The following ZBTB20 variants were observed in gnomAD, a reference collection of about 807,000 sequenced individuals.
ZBTB20 encodes zinc finger and BTB domain containing 20.
In ZBTB20, 9 loss-of-function variants were observed where a neutral mutation model predicts 56.9. The ratio of observed to expected loss-of-function variants is 0.16; its 90% CI spans 0.10 to 0.28. The LOEUF is 0.28. ZBTB20 is among the 10% of genes least tolerant of loss of function. The pLI is 1.00. For synonymous variants in ZBTB20, 417 were observed against 420.7 expected (o/e 0.99, Z 0.11); for missense variants, 655 against 1,003.0 (o/e 0.65, Z 4.69).
intron 4 of ZBTB20, among the ~76,000 whole-genome samples, chr3:114,877,408 C>T (rs1454106938): frequency 6.6e-6 from 1 of 152,148 alleles, no homozygotes. Context: ...CTTAAAATAG[C>T]AAGATACACA....
chr3:114,802,577 T>C (rs2071796126), intron 4 of ZBTB20, among the ~76,000 whole-genome samples: 1 of 151,856 alleles, frequency 6.6e-6, no homozygotes, highest in African/African-American at 2.4e-5. Flanking sequence ...GCAGAAATTA[T>C]GGAGGCGTCA....
intron 7 of ZBTB20, among the ~76,000 whole-genome samples, chr3:114,460,168 C>T (rs1272317645): frequency 6.6e-6 from 1 of 152,088 alleles, no homozygotes; most frequent in Non-Finnish European, 1.5e-5. Context: ...GACTCCAGAT[C>T]CCCTCTTTTT....
At chr3:114,787,332 TA>T (rs201341911) in intron 5 of ZBTB20, among the ~76,000 whole-genome samples, 1,682 of 7,726 alleles carry the variant, frequency 0.22, 21 homozygotes, top group Middle Eastern at 0.5. Flanking sequence ...CTTAAAAGGT[TA>T]TATATATATA....
chr3:115,139,082 T>C (rs1184109391), intron 1 of ZBTB20, among the ~76,000 whole-genome samples: 2 of 152,088 alleles, frequency 1.3e-5, no homozygotes, highest in Non-Finnish European at 2.9e-5. Context: ...ATTAGCTAGA[T>C]GTTTGGTAAG....
intron 2 of ZBTB20, among the ~76,000 whole-genome samples, chr3:114,985,258 GA>G: frequency 6.6e-6 from 1 of 152,156 alleles, no homozygotes; most frequent in Non-Finnish European, 1.5e-5. Flanking sequence ...ACGAATAAAT[GA>G]ATTTACAGAA....
At chr3:114,844,544 A>AAAAAAAAAAAAAAAAAAAAAAAAC in intron 4 of ZBTB20, among the ~76,000 whole-genome samples, 2 of 140,602 alleles carry the variant, frequency 1.4e-5, no homozygotes, top group African/African-American at 5.5e-5. Context: ...AAAAAAAAAA[A>AAAAAAAAAAAAAAAAAAAAAAAAC]AAAAAAAACT....
intron 4 of ZBTB20, among the ~76,000 whole-genome samples, chr3:114,832,527 C>A (rs1218002395): frequency 6.6e-6 from 1 of 151,912 alleles, no homozygotes; most frequent in Non-Finnish European, 1.5e-5. Flanking sequence ...AAGGGGACAG[C>A]CACTCTAAAT....
intron 2 of ZBTB20, among the ~76,000 whole-genome samples, chr3:114,994,590 C>T (rs1030473674): frequency 6.6e-6 from 1 of 151,840 alleles, no homozygotes; most frequent in African/African-American, 2.4e-5. Flanking sequence ...ATAATAAACA[C>T]AAATTTTTAA....
intron 6 of ZBTB20, among the ~76,000 whole-genome samples, chr3:114,656,013 T>C (rs576664645): frequency 3.2e-4 from 48 of 152,350 alleles, no homozygotes; most frequent in African/African-American, 1.0e-3. Context: ...ACACTACTTA[T>C]AGGAATTCCA....
intron 6 of ZBTB20, among the ~76,000 whole-genome samples, chr3:114,560,142 G>A (rs2051822116): frequency 6.6e-6 from 1 of 152,292 alleles, no homozygotes; most frequent in Admixed American, 6.5e-5. Context: ...TTAAGAAACA[G>A]TGTATATTTT....
intron 7 of ZBTB20, among the ~76,000 whole-genome samples, chr3:114,454,337 C>G (rs1559810389): frequency 6.6e-6 from 1 of 151,736 alleles, no homozygotes. Context: ...TTGGGTAACC[C>G]CCCAGGGGTG....
chr3:115,022,973 T>C (rs1045861931), intron 2 of ZBTB20, among the ~76,000 whole-genome samples: 2 of 150,930 alleles, frequency 1.3e-5, no homozygotes, highest in Non-Finnish European at 3.0e-5. Context: ...TGAGACAAAA[T>C]ATGAAGATGA....
chr3:114,748,282 C>CTTTCTT (rs1253001109), intron 5 of ZBTB20, among the ~76,000 whole-genome samples: 17 of 52,256 alleles, frequency 3.3e-4, no homozygotes, highest in Admixed American at 1.5e-3. Context: ...GTTGTAGCTT[C>CTTTCTT]TTTCTTTCTT....
At chr3:114,807,539 T>C (rs2072207209) in intron 4 of ZBTB20, among the ~76,000 whole-genome samples, 1 of 151,536 alleles carries the variant, frequency 6.6e-6, no homozygotes, top group African/African-American at 2.4e-5. Context: ...TCCTGTACAA[T>C]GTTGAACAGA....
chr3:114,446,331 T>G (rs1052583224), intron 7 of ZBTB20, among the ~76,000 whole-genome samples: 1 of 152,186 alleles, frequency 6.6e-6, no homozygotes, highest in Non-Finnish European at 1.5e-5. Flanking sequence ...TATCATTTTC[T>G]TGTTTTAAAC....
chr3:114,800,499 C>T (rs1417782415), intron 5 of ZBTB20, among the ~76,000 whole-genome samples: 3 of 151,712 alleles, frequency 2.0e-5, no homozygotes, highest in Non-Finnish European at 4.4e-5. Context: ...TTGTAGCTCA[C>T]GGGAAGACAT....
intron 2 of ZBTB20, among the ~76,000 whole-genome samples, chr3:115,046,620 T>A (rs992199961): frequency 3.9e-5 from 6 of 152,192 alleles, no homozygotes; most frequent in African/African-American, 1.4e-4. Context: ...ATAGGAATAG[T>A]TTTTATAGGA....
chr3:114,882,461 C>A (rs2076433707), intron 4 of ZBTB20, among the ~76,000 whole-genome samples: 1 of 151,800 alleles, frequency 6.6e-6, no homozygotes, highest in South Asian at 2.1e-4. Context: ...AAAATAAAAA[C>A]AAGGATATAT....
At chr3:114,765,570 T>C (rs78034792) in intron 5 of ZBTB20, among the ~76,000 whole-genome samples, 5,215 of 152,236 alleles carry the variant, frequency 0.034, 145 homozygotes, top group African/African-American at 0.07. Flanking sequence ...GACTTCTTGC[T>C]TCCAGAACTG....
Sources: gnomAD v4.1 joint callset for allele counts (sites outside exome capture counted in the v4.1 genomes callset) on GRCh38, gnomAD v4.1.1 for gene constraint, MANE v1.5 for transcripts, NCBI Gene and HGNC (gene_info 2026-07-23, HGNC 2026-07-21) for gene names.